Variants in CENPP observed in about 807,000 individuals in gnomAD.
CENPP encodes centromere protein P.
In CENPP, 24 loss-of-function variants were observed where a neutral mutation model predicts 35.6. That is an observed-to-expected ratio of 0.67 (90% confidence interval 0.49 to 0.95). The LOEUF (loss-of-function observed/expected upper bound fraction) is 0.95, where lower values mean the gene tolerates loss of function less well. Among genes scored for constraint, CENPP ranks in the 40% least tolerant of loss-of-function variants. CENPP has a pLI of 0.00. For synonymous variants in CENPP, 120 were observed against 125.5 expected, an observed-to-expected ratio of 0.96 and a Z score of 0.29; for missense variants, 332 against 345.3, an observed-to-expected ratio of 0.96 and a Z score of 0.31.
intron 5 of CENPP, among the ~76,000 whole-genome samples, chr9:92,440,346 AAAATAAAT>A (rs58516284): frequency 1.4e-3 from 201 of 142,546 alleles, no homozygotes; most frequent in Middle Eastern, 7.1e-3. Flanking sequence ...CTGATGAGTT[AAAATAAAT>A]AAATAAATAA....
intron 5 of CENPP, chr9:92,466,568 G>C: frequency 6.2e-7 from 1 of 1,613,142 alleles, no homozygotes; most frequent in Non-Finnish European, 8.5e-7. Context: ...TTCAGGATCA[G>C]ACCCTTGATC....
intron 5 of CENPP, among the ~76,000 whole-genome samples, chr9:92,471,260 G>T (rs913243499): frequency 6.7e-6 from 1 of 150,054 alleles, no homozygotes; most frequent in African/African-American, 2.5e-5. Flanking sequence ...GCAGTGGCAT[G>T]ATCTTGGCTC....
chr9:92,465,396 A>T lies in CENPP; in HGVS notation c.564+85537A>T, dbSNP rs147760530. ...CCAAAATGTTTATGTTTTTCTGTGT[A>T]CATTTTTGTGTCTTAAACTTTTTTT... On this transcript the variant is annotated intron_variant, in intron 5 of 7. Transcript: ENST00000375587. 1.0e-3 allele frequency among the ~76,000 whole-genome samples: 152 copies of T among 152,360 alleles called. 1 individual carries two copies. The highest frequency in any genetic ancestry group is 3.6e-3 in the African/African-American group (149 of 41,584).
intron 5 of CENPP, among the ~76,000 whole-genome samples, chr9:92,566,145 A>C (rs1450432524): frequency 6.6e-6 from 1 of 152,008 alleles, no homozygotes; most frequent in Non-Finnish European, 1.5e-5. Context: ...TACTAAAAAT[A>C]CAAAAATTAG....
At chr9:92,391,046 C>T (rs961851002) in intron 5 of CENPP, among the ~76,000 whole-genome samples, 2 of 151,206 alleles carry the variant, frequency 1.3e-5, no homozygotes, top group African/African-American at 4.9e-5. Flanking sequence ...GGGCAGATCA[C>T]TTGAGGTCAG....
At chr9:92,454,105 G>A (rs1255757572) in intron 5 of CENPP, among the ~76,000 whole-genome samples, 2 of 152,146 alleles carry the variant, frequency 1.3e-5, no homozygotes, top group Non-Finnish European at 2.9e-5. Flanking sequence ...TTTTTCCAGT[G>A]GGTAATATTT....
At chr9:92,392,450 C>T (rs911212001) in intron 5 of CENPP, among the ~76,000 whole-genome samples, 1 of 152,036 alleles carries the variant, frequency 6.6e-6, no homozygotes, top group African/African-American at 2.4e-5. Context: ...GGTGAAACCC[C>T]ATCTCTACTA....
chr9:92,601,306 C>G (rs535021021), intron 5 of CENPP, among the ~76,000 whole-genome samples: 3 of 152,276 alleles, frequency 2.0e-5, no homozygotes, highest in African/African-American at 7.2e-5. Context: ...ACCTTTTGTC[C>G]AGCCTTGTAG....
intron 5 of CENPP, among the ~76,000 whole-genome samples, chr9:92,425,394 A>G (rs1278285185): frequency 6.6e-6 from 1 of 152,190 alleles, no homozygotes; most frequent in East Asian, 1.9e-4. Context: ...TATTTTGTAG[A>G]TTTAGAAAAT....
At chr9:92,547,368 A>G (rs1849491556) in intron 5 of CENPP, among the ~76,000 whole-genome samples, 1 of 152,256 alleles carries the variant, frequency 6.6e-6, no homozygotes, top group South Asian at 2.1e-4. Flanking sequence ...TCATTGCTAC[A>G]CTATTCATAA....
intron 5 of CENPP, among the ~76,000 whole-genome samples, chr9:92,607,002 A>C (rs997524445): frequency 8.5e-5 from 13 of 152,200 alleles, no homozygotes; most frequent in African/African-American, 3.1e-4. Context: ...TTAAAAAATC[A>C]AATAGCCAAA....
chr9:92,532,000 C>CTTTT (rs1226576313), intron 5 of CENPP, among the ~76,000 whole-genome samples: 2 of 92,472 alleles, frequency 2.2e-5, no homozygotes, highest in African/African-American at 6.5e-5. Context: ...TTTTCTTTTT[C>CTTTT]TTTTTTTATT....
intron 5 of CENPP, among the ~76,000 whole-genome samples, chr9:92,598,828 C>T (rs1387545105): frequency 6.7e-6 from 1 of 150,280 alleles, no homozygotes; most frequent in Non-Finnish European, 1.5e-5. Context: ...TACAAGGAGG[C>T]CAGGCGCAGT....
At position 92,508,076 on chromosome 9, in the gene CENPP, ATGACGGGAGAGCAGTGGGCCACC is replaced by A. The variant is rs1346993371; in HGVS notation, c.565-103235_565-103213del. 7.2e-5 allele frequency among the ~76,000 whole-genome samples: 11 copies of A among 152,166 alleles called. No individual in the cohort carries two copies. The East Asian group carries it at 2.1e-3, about 29-fold the overall frequency. Reference sequence around the variant, plus strand: ...TGAGTGAGGAGCCACCCCAAGAGAGATGACGGGAGAGCAGTGGGCCACCTGCTTCCACACAGAAGCAGGGTGCC... The same window carrying A: ...TGAGTGAGGAGCCACCCCAAGAGAGATGCTTCCACACAGAAGCAGGGTGCC... On this transcript the variant is annotated intron_variant, in intron 5 of 7. Coordinates refer to ENST00000375587, the MANE Select transcript of CENPP (RefSeq NM_001012267.3).
At chr9:92,352,534 T>TATATA (rs1341603589) in intron 4 of CENPP, among the ~76,000 whole-genome samples, 1 of 120,242 alleles carries the variant, frequency 8.3e-6, no homozygotes, top group East Asian at 2.1e-4. Context: ...TATATATATA[T>TATATA]ATATAATATA....
chr9:92,386,831 C>T (rs983479120), intron 5 of CENPP, among the ~76,000 whole-genome samples: 4 of 152,050 alleles, frequency 2.6e-5, no homozygotes, highest in East Asian at 3.9e-4. Context: ...ATCTGCCCGC[C>T]TCAGCCTCCC....
intron 5 of CENPP, chr9:92,515,250 T>A: frequency 1.4e-6 from 2 of 1,422,116 alleles, no homozygotes; most frequent in Non-Finnish European, 1.8e-6. Flanking sequence ...TTGATGATAT[T>A]AATAAAAGAA....
At chr9:92,568,497 T>C (rs1850053784) in intron 5 of CENPP, among the ~76,000 whole-genome samples, 1 of 152,190 alleles carries the variant, frequency 6.6e-6, no homozygotes, top group South Asian at 2.1e-4. Flanking sequence ...GATGGACATT[T>C]GGGTTGGTTC....
At chr9:92,431,737 G>C (rs528349200) in intron 5 of CENPP, among the ~76,000 whole-genome samples, 1 of 152,062 alleles carries the variant, frequency 6.6e-6, no homozygotes, top group African/African-American at 2.4e-5. Context: ...ACCACGCCTG[G>C]CTAATTTTTG....
Sources: allele counts gnomAD v4.1 joint callset (sites outside exome capture counted in the v4.1 genomes callset), GRCh38; gene constraint gnomAD v4.1.1; transcripts MANE v1.5; gene names NCBI Gene and HGNC (gene_info 2026-07-23, HGNC 2026-07-21).